RNF38: variants seen among roughly 807,000 people sequenced by gnomAD.
RNF38 encodes the protein E3 ubiquitin-protein ligase RNF38.
In RNF38, 15 loss-of-function variants were observed where a neutral mutation model predicts 67.2. That is an observed-to-expected ratio of 0.22 (90% CI 0.15 to 0.34). The LOEUF is 0.34. Among genes scored for constraint, RNF38 ranks in the 10% least tolerant of loss-of-function variants. RNF38 has a pLI of 1.00. For missense variants in RNF38, 524 were observed against 639.9 expected (o/e 0.82, Z 1.95); for synonymous variants, 220 against 218.8 (o/e 1.01, Z -0.05).
Position 36,337,195 on chromosome 9 carries a change from T to C in RNF38, c.*2557A>G, listed in dbSNP as rs1251359434. On this transcript the variant is annotated 3_prime_UTR_variant, in exon 12 of 12. Transcript: ENST00000259605. Reference sequence around the variant, plus strand: ...AACTTCTCTTTTGCTAGCCACAGAGTTGCTCACTGTGGCAAGCCTGAGCTG... The same window carrying C: ...AACTTCTCTTTTGCTAGCCACAGAGCTGCTCACTGTGGCAAGCCTGAGCTG... 1 of 152,096 alleles carries C rather than the reference T, an allele frequency of 6.6e-6. No individual in the cohort carries two copies. Among genetic ancestry groups the C allele is most frequent in the Admixed American group, 6.6e-5 (1 of 15,264 alleles). The allele number at this position is 152,096 out of a possible 1,614,324, so 9.4% of individuals were successfully genotyped here.
chr9:36,372,429 T>C, intron 3 of RNF38: 1 of 621,566 alleles, frequency 1.6e-6, no homozygotes, highest in Non-Finnish European at 2.9e-6. Context: ...TTTGTTTTAT[T>C]GCATTTATTA....
intron 9 of RNF38, among the ~76,000 whole-genome samples, chr9:36,350,759 T>C (rs993899130): frequency 1.3e-5 from 2 of 152,240 alleles, no homozygotes; most frequent in African/African-American, 4.8e-5. Context: ...CTTAAACATG[T>C]TAAAACATTT....
chr9:36,409,787 CCGTGCCACATTCTA>C (rs1355061494), intron 2 of RNF38, among the ~76,000 whole-genome samples: 2 of 152,160 alleles, frequency 1.3e-5, no homozygotes, highest in African/African-American at 4.8e-5. Context: ...ATCCTCCTGC[CCGTGCCACATTCTA>C]CAGGCCCTCC....
At chr9:36,445,662 C>G (rs1254970862) in intron 1 of RNF38, among the ~76,000 whole-genome samples, 1 of 152,186 alleles carries the variant, frequency 6.6e-6, no homozygotes, top group Non-Finnish European at 1.5e-5. Flanking sequence ...GTAGAGAGAA[C>G]TAGCTGGTAA....
intron 1 of RNF38, among the ~76,000 whole-genome samples, chr9:36,476,155 C>T (rs917433018): frequency 4.6e-5 from 7 of 152,108 alleles, no homozygotes; most frequent in Non-Finnish European, 8.8e-5. Context: ...GACTGAGTCT[C>T]GCTCAGCCAC....
intron 2 of RNF38, among the ~76,000 whole-genome samples, chr9:36,412,368 G>A (rs1300576545): frequency 6.6e-6 from 1 of 152,216 alleles, no homozygotes; most frequent in East Asian, 1.9e-4. Context: ...CTTTGCCAAA[G>A]TGTCAGGTTG....
chr9:36,447,381 A>G (rs1839332176), intron 1 of RNF38, among the ~76,000 whole-genome samples: 1 of 152,206 alleles, frequency 6.6e-6, no homozygotes, highest in African/African-American at 2.4e-5. Flanking sequence ...TGCTGGGCAC[A>G]CAGTAGGTAT....
At chr9:36,478,569 G>C (rs1220725170) in intron 1 of RNF38, among the ~76,000 whole-genome samples, 3 of 150,490 alleles carry the variant, frequency 2.0e-5, no homozygotes, top group African/African-American at 7.4e-5. Context: ...TGTAATCCCA[G>C]CACTCTGGGA....
intron 2 of RNF38, among the ~76,000 whole-genome samples, chr9:36,388,354 AT>A (rs1479280054): frequency 1.3e-5 from 2 of 152,150 alleles, no homozygotes; most frequent in African/African-American, 2.4e-5. Flanking sequence ...AAAACCCTGA[AT>A]TTTGGGCAAT....
chr9:36,452,368 T>A (rs1225894284), intron 1 of RNF38, among the ~76,000 whole-genome samples: 3 of 151,896 alleles, frequency 2.0e-5, no homozygotes, highest in African/African-American at 7.3e-5. Context: ...CATTCTCCCC[T>A]CCTCCAGCCC....
intron 6 of RNF38, 47 bp from the exon 7 acceptor site, chr9:36,353,378 T>C: frequency 8.0e-7 from 1 of 1,244,116 alleles, no homozygotes; most frequent in East Asian, 2.7e-5. Flanking sequence ...ATATATATAC[T>C]TCCTGTGTTT....
chr9:36,390,170 A>G (rs1160660057), intron 2 of RNF38, among the ~76,000 whole-genome samples: 1 of 152,176 alleles, frequency 6.6e-6, no homozygotes, highest in Non-Finnish European at 1.5e-5. Context: ...ATTCTACACT[A>G]TCTTCTACTT....
At chr9:36,400,479 C>A (rs1226709879), upstream of RNF38, 1 of 1,016,534 alleles carries the variant, frequency 9.8e-7, no homozygotes, top group Admixed American at 5.8e-5. Context: ...GACTCGGGCG[C>A]GGCCCCGCAG....
At chr9:36,442,944 A>C (rs1314696113) in intron 1 of RNF38, among the ~76,000 whole-genome samples, 1 of 152,180 alleles carries the variant, frequency 6.6e-6, no homozygotes, top group Non-Finnish European at 1.5e-5. Flanking sequence ...TGCTCACCCA[A>C]ATTCTTCAAT....
chr9:36,345,034 CCTG>C (rs1246873834), intron 9 of RNF38, 81 bp from the exon 10 acceptor site: 9 of 1,455,594 alleles, frequency 6.2e-6, no homozygotes, highest in Non-Finnish European at 8.4e-6. Flanking sequence ...GAGATGGAGT[CCTG>C]CTATGTTGCC....
intron 2 of RNF38, among the ~76,000 whole-genome samples, chr9:36,379,505 A>T (rs916710801): frequency 1.3e-5 from 2 of 152,192 alleles, no homozygotes; most frequent in Admixed American, 6.5e-5. Flanking sequence ...TCTAGTGTGG[A>T]AGCATAAAAA....
At chr9:36,478,736 G>C (rs1587216141) in intron 1 of RNF38, among the ~76,000 whole-genome samples, 1 of 149,612 alleles carries the variant, frequency 6.7e-6, no homozygotes, top group African/African-American at 2.5e-5. Flanking sequence ...AGAATGGCTT[G>C]AACCCAGAAG....
intron 5 of RNF38, among the ~76,000 whole-genome samples, chr9:36,357,324 G>T (rs554701982): frequency 6.6e-6 from 1 of 152,228 alleles, no homozygotes; most frequent in South Asian, 2.1e-4. Context: ...TTCATCATAG[G>T]TTTCCTATAG....
chr9:36,404,393 C>T (rs1838131236), upstream of RNF38, among the ~76,000 whole-genome samples: 1 of 152,152 alleles, frequency 6.6e-6, no homozygotes, highest in Non-Finnish European at 1.5e-5. Flanking sequence ...TACATTATCT[C>T]TGGCCTTTTA....
Sources: allele counts gnomAD v4.1 joint callset (sites outside exome capture counted in the v4.1 genomes callset), GRCh38; gene constraint gnomAD v4.1.1; transcripts MANE v1.5; gene names NCBI Gene and HGNC (gene_info 2026-07-23, HGNC 2026-07-21).